The following PCDH7 variants were observed in gnomAD, a reference collection of about 807,000 sequenced individuals.
The protein encoded by PCDH7 is protocadherin-7.
In PCDH7, 17 loss-of-function variants were observed where a neutral mutation model predicts 58.9. The ratio of observed to expected loss-of-function variants is 0.29; its 90% CI spans 0.20 to 0.43. The LOEUF (loss-of-function observed/expected upper bound fraction) is 0.43. Ranked by LOEUF, PCDH7 falls within the 20% of genes least tolerant of loss-of-function variation. PCDH7 has a pLI of 1.00. For synonymous variants in PCDH7, 664 were observed against 616.4 expected, an observed-to-expected ratio of 1.08 and a Z score of -1.14; for missense variants, 1,274 against 1,441.0, an observed-to-expected ratio of 0.88 and a Z score of 1.88.
intron 1 of PCDH7, among the ~76,000 whole-genome samples, chr4:30,892,688 T>G (rs901139412): frequency 6.6e-6 from 1 of 152,068 alleles, no homozygotes; most frequent in African/African-American, 2.4e-5. Context: ...AAGAATCTTT[T>G]TTGTGAGATG....
chr4:31,091,830 G>A (rs1046076829), intron 3 of PCDH7, among the ~76,000 whole-genome samples: 6 of 151,896 alleles, frequency 4.0e-5, no homozygotes, highest in African/African-American at 1.5e-4. Context: ...AGAAACATAG[G>A]GAGTGAGATT....
At chr4:30,994,052 T>TA (rs1751679823) in intron 3 of PCDH7, among the ~76,000 whole-genome samples, 1 of 137,444 alleles carries the variant, frequency 7.3e-6, no homozygotes. Flanking sequence ...ACAGTTATTT[T>TA]ATGTAGACAA....
chr4:30,759,729 A>G (rs1206983023), intron 1 of PCDH7, among the ~76,000 whole-genome samples: 1 of 152,186 alleles, frequency 6.6e-6, no homozygotes, highest in Non-Finnish European at 1.5e-5. Context: ...CTTTCATTAA[A>G]TGAAAGATTC....
At chr4:30,871,216 A>G (rs943291875) in intron 1 of PCDH7, among the ~76,000 whole-genome samples, 1 of 152,094 alleles carries the variant, frequency 6.6e-6, no homozygotes, top group Non-Finnish European at 1.5e-5. Flanking sequence ...CTGACATAAT[A>G]TAAAATCATT....
At chr4:30,931,394 G>T (rs1292938709) in intron 2 of PCDH7, among the ~76,000 whole-genome samples, 1 of 152,084 alleles carries the variant, frequency 6.6e-6, no homozygotes, top group Non-Finnish European at 1.5e-5. Flanking sequence ...TGACCAACAT[G>T]GAGAAACCCT....
chr4:31,136,329 A>G (rs997856556), intron 3 of PCDH7, among the ~76,000 whole-genome samples: 2 of 152,224 alleles, frequency 1.3e-5, no homozygotes, highest in Non-Finnish European at 2.9e-5. Context: ...CTCACATATA[A>G]GGAACTTGAA....
At chr4:30,760,361 GAA>G (rs1293741166) in intron 1 of PCDH7, among the ~76,000 whole-genome samples, 1 of 152,172 alleles carries the variant, frequency 6.6e-6, no homozygotes, top group Non-Finnish European at 1.5e-5. Flanking sequence ...TTAGGCAAGA[GAA>G]AGAAATAAAG....
chr4:31,126,889 C>G (rs79032724), intron 3 of PCDH7, among the ~76,000 whole-genome samples: 5 of 152,114 alleles, frequency 3.3e-5, no homozygotes, highest in Non-Finnish European at 7.3e-5. Context: ...TTGAATTGTA[C>G]AAGACACTGG....
intron 1 of PCDH7, among the ~76,000 whole-genome samples, chr4:30,777,848 C>T (rs140032361): frequency 4.2e-4 from 64 of 152,166 alleles, no homozygotes; most frequent in African/African-American, 8.9e-4. Context: ...TCACATAAAA[C>T]GATTGATTCA....
chr4:30,820,597 T>G (rs1043258963), intron 1 of PCDH7, among the ~76,000 whole-genome samples: 8 of 152,068 alleles, frequency 5.3e-5, no homozygotes, highest in Admixed American at 1.3e-4. Flanking sequence ...AAAACTGAAG[T>G]AAACAACACT....
intron 3 of PCDH7, among the ~76,000 whole-genome samples, chr4:31,101,847 G>A (rs947947447): frequency 1.1e-4 from 16 of 152,150 alleles, no homozygotes; most frequent in Non-Finnish European, 2.4e-4. Context: ...TGTGCTTGTT[G>A]CATCTGTACA....
At chr4:30,981,658 T>G (rs1293910729) in intron 3 of PCDH7, among the ~76,000 whole-genome samples, 1 of 152,178 alleles carries the variant, frequency 6.6e-6, no homozygotes, top group African/African-American at 2.4e-5. Flanking sequence ...ATATATCAGT[T>G]TAGGTATTAT....
intron 3 of PCDH7, among the ~76,000 whole-genome samples, chr4:31,012,056 CTTAG>C (rs1753231826): frequency 6.6e-6 from 1 of 151,982 alleles, no homozygotes; most frequent in African/African-American, 2.4e-5. Context: ...ACCAAATCTT[CTTAG>C]AAACAGTATA....
intron 3 of PCDH7, among the ~76,000 whole-genome samples, chr4:30,984,104 AAATTCAAACATACTAATT>A (rs1413565134): frequency 6.6e-6 from 1 of 152,210 alleles, no homozygotes. Flanking sequence ...AACACATTCC[AAATTCAAACATACTAATT>A]AATAAAAATA....
At chr4:30,739,643 T>G (rs532445874) in intron 1 of PCDH7, among the ~76,000 whole-genome samples, 3 of 152,290 alleles carry the variant, frequency 2.0e-5, no homozygotes, top group Admixed American at 1.3e-4. Flanking sequence ...ATGTTTTCTT[T>G]AATGTTTTAC....
At chr4:31,103,788 T>A (rs1431243745) in intron 3 of PCDH7, among the ~76,000 whole-genome samples, 1 of 152,228 alleles carries the variant, frequency 6.6e-6, no homozygotes, top group African/African-American at 2.4e-5. Flanking sequence ...CCCACGTACC[T>A]ATTTAGAAAC....
At chr4:31,070,559 A>C (rs1560620643) in intron 3 of PCDH7, among the ~76,000 whole-genome samples, 1 of 152,108 alleles carries the variant, frequency 6.6e-6, no homozygotes, top group South Asian at 2.1e-4. Flanking sequence ...TTATATGCAG[A>C]CATTTGCTCA....
intron 1 of PCDH7, among the ~76,000 whole-genome samples, chr4:30,824,419 T>TA (rs1480799047): frequency 6.6e-6 from 1 of 152,050 alleles, no homozygotes; most frequent in Non-Finnish European, 1.5e-5. Context: ...TATTTTCCTT[T>TA]AAAAATGAAT....
chr4:31,006,614 C>T (rs559263773), intron 3 of PCDH7, among the ~76,000 whole-genome samples: 113 of 152,046 alleles, frequency 7.4e-4, no homozygotes, highest in Middle Eastern at 3.4e-3. Flanking sequence ...GGAACTAGGC[C>T]GGGTGTGGTG....
Sources: allele counts gnomAD v4.1 joint callset (sites outside exome capture counted in the v4.1 genomes callset), GRCh38; gene constraint gnomAD v4.1.1; transcripts MANE v1.5; gene names NCBI Gene and HGNC (gene_info 2026-07-23, HGNC 2026-07-21).